Variants in KCNIP4 observed in about 807,000 individuals in gnomAD.
KCNIP4 encodes the protein Kv channel-interacting protein 4.
KCNIP4 carries 12 observed loss-of-function variants against 34.0 expected under a neutral mutation model. That is an observed-to-expected ratio of 0.35 (90% confidence interval 0.23 to 0.57). KCNIP4 has a LOEUF of 0.57. Ranked by LOEUF, KCNIP4 falls within the 20% of genes least tolerant of loss-of-function variation. The pLI, the probability that KCNIP4 is intolerant of heterozygous loss-of-function variation, is 0.83. For missense variants in KCNIP4, 238 were observed against 311.7 expected, an observed-to-expected ratio of 0.76 and a Z score of 1.78; for synonymous variants, 124 against 102.2, an observed-to-expected ratio of 1.21 and a Z score of -1.29.
At chr4:21,102,332 T>A (rs1037349783) in intron 1 of KCNIP4, among the ~76,000 whole-genome samples, 17 of 152,208 alleles carry the variant, frequency 1.1e-4, no homozygotes, top group African/African-American at 3.9e-4. Flanking sequence ...ATGCTATCCA[T>A]AAATTACAAT....
rs34135850 is a variant in KCNIP4, at chr4:21,265,984, C to G, written c.62-383275G>C. 5.9e-3 allele frequency among the ~76,000 whole-genome samples: 892 copies of G among 152,190 alleles called. 8 individuals are homozygous for G. The highest frequency in any genetic ancestry group is 0.021 in the African/African-American group (862 of 41,530). On this transcript the variant is annotated intron_variant, in intron 1 of 8. Transcript: ENST00000382152. The stretch of plus-strand genomic sequence containing the variant: ...CACTTGCTCATTTCCATTGTGCTAG[C>G]AATTTACATATATTATCTCATTTAT...
intron 1 of KCNIP4, among the ~76,000 whole-genome samples, chr4:20,976,682 T>C (rs896475701): frequency 6.6e-6 from 1 of 152,188 alleles, no homozygotes; most frequent in Non-Finnish European, 1.5e-5. Context: ...GGAGCTGAGC[T>C]GATTTATTAG....
intron 1 of KCNIP4, among the ~76,000 whole-genome samples, chr4:21,523,348 C>T (rs984562447): frequency 7.2e-5 from 11 of 151,742 alleles, no homozygotes; most frequent in East Asian, 1.9e-4. Context: ...TGTTTACCAC[C>T]GTCAAATGCT....
At chr4:21,351,507 T>C (rs1717998457) in intron 1 of KCNIP4, among the ~76,000 whole-genome samples, 1 of 152,186 alleles carries the variant, frequency 6.6e-6, no homozygotes, top group Non-Finnish European at 1.5e-5. Flanking sequence ...ATTACACTTA[T>C]TTTTCTTTAT....
chr4:21,096,495 T>A (rs1236746388), intron 1 of KCNIP4, among the ~76,000 whole-genome samples: 1 of 152,174 alleles, frequency 6.6e-6, no homozygotes, highest in Non-Finnish European at 1.5e-5. Context: ...TCAGTTTTTT[T>A]ATTCTGTTTG....
At chr4:21,355,695 T>A (rs1334136098) in intron 1 of KCNIP4, among the ~76,000 whole-genome samples, 2 of 152,122 alleles carry the variant, frequency 1.3e-5, no homozygotes, top group African/African-American at 2.4e-5. Context: ...TAGGACCAGA[T>A]GGATTCACAG....
chr4:21,375,337 C>T (rs1455774002), intron 1 of KCNIP4, among the ~76,000 whole-genome samples: 2 of 152,122 alleles, frequency 1.3e-5, no homozygotes, highest in Non-Finnish European at 2.9e-5. Flanking sequence ...GTTCAAATAG[C>T]AGACTCACTT....
At chr4:21,927,478 T>C (rs536439503) in intron 1 of KCNIP4, among the ~76,000 whole-genome samples, 1 of 152,144 alleles carries the variant, frequency 6.6e-6, no homozygotes, top group African/African-American at 2.4e-5. Flanking sequence ...AGGGACTCAA[T>C]GGAACCCTCA....
chr4:21,612,071 G>A (rs775305106), intron 1 of KCNIP4, among the ~76,000 whole-genome samples: 1 of 152,186 alleles, frequency 6.6e-6, no homozygotes, highest in African/African-American at 2.4e-5. Context: ...TCAAAGTGTG[G>A]GATATACGCC....
rs139398555 is a variant in KCNIP4 at position 21,916,725 on chromosome 4, T to G, written c.61+31846A>C. Among the ~76,000 whole-genome samples, 689 of 152,310 alleles carry G rather than the reference T, an allele frequency of 4.5e-3. 3 individuals carry two copies. The highest frequency in any genetic ancestry group is 0.016 in the African/African-American group (655 of 41,562). On this transcript the variant is annotated intron_variant, in intron 1 of 8. Coordinates refer to ENST00000382152, the MANE Select transcript of KCNIP4 (RefSeq NM_025221.6). ...CTGGGAAAAAGCTGGGCTTTGAGGA[T>G]TTTCAAAGAACAACTCAAATGACGT...
At chr4:21,746,816 G>A (rs1716811545) in intron 1 of KCNIP4, among the ~76,000 whole-genome samples, 1 of 151,940 alleles carries the variant, frequency 6.6e-6, no homozygotes, top group East Asian at 1.9e-4. Context: ...TTACAATTTT[G>A]TTTTATAAAA....
At position 20,846,856 on chromosome 4, in the gene KCNIP4, G is replaced by A. The variant is rs189164101; in HGVS notation, c.288+3687C>T. On this transcript the variant is annotated intron_variant, in intron 3 of 8. Coordinates refer to ENST00000382152, the MANE Select transcript of KCNIP4 (RefSeq NM_025221.6). ...CCTACACAATATAATTACTTGAAGA[G>A]CTTTATAAATCCTAATGCTGAAGCT... Among the ~76,000 whole-genome samples, 355 of 152,248 alleles carry A rather than the reference G, an allele frequency of 2.3e-3. 9 individuals carry two copies. The highest frequency in any genetic ancestry group is 0.014 in the Middle Eastern group (4 of 294).
intron 1 of KCNIP4, among the ~76,000 whole-genome samples, chr4:21,485,597 T>C (rs1488458573): frequency 6.6e-6 from 1 of 152,216 alleles, no homozygotes; most frequent in Non-Finnish European, 1.5e-5. Context: ...CACTTCAAGC[T>C]GTCATTCATA....
chr4:21,398,549 T>G (rs1026449294), intron 1 of KCNIP4, among the ~76,000 whole-genome samples: 4 of 152,230 alleles, frequency 2.6e-5, no homozygotes, highest in Non-Finnish European at 5.9e-5. Context: ...AAGCAATAAT[T>G]TTAATGCATA....
At chr4:20,850,009 A>G (rs891424245) in intron 3 of KCNIP4, among the ~76,000 whole-genome samples, 2 of 152,184 alleles carry the variant, frequency 1.3e-5, no homozygotes, top group African/African-American at 4.8e-5. Context: ...CCTTTTGAAG[A>G]TGGTTCACCC....
chr4:20,988,011 A>AAAAAAAAAAAAAAAAAAAAG (rs1736745048), intron 1 of KCNIP4, among the ~76,000 whole-genome samples: 1 of 149,754 alleles, frequency 6.7e-6, no homozygotes, highest in African/African-American at 2.5e-5. Flanking sequence ...AAAAAAAAAA[A>AAAAAAAAAAAAAAAAAAAAG]AAAAAAAAAA....
chr4:21,524,857 T>G (rs1735844910), intron 1 of KCNIP4, among the ~76,000 whole-genome samples: 1 of 152,172 alleles, frequency 6.6e-6, no homozygotes, highest in Non-Finnish European at 1.5e-5. Context: ...CAATAAATAT[T>G]TGTTGAATCC....
intron 1 of KCNIP4, among the ~76,000 whole-genome samples, chr4:21,636,268 T>C (rs1246203904): frequency 6.8e-6 from 1 of 147,064 alleles, no homozygotes; most frequent in African/African-American, 2.5e-5. Context: ...TGTGCACATG[T>C]ACCCTAGAAC....
intron 1 of KCNIP4, chr4:21,850,538 TA>T (rs1724311140): frequency 6.6e-6 from 1 of 152,090 alleles, no homozygotes; most frequent in Non-Finnish European, 1.5e-5. Flanking sequence ...AGAGAGTCCC[TA>T]CCAGCAAGAA....
Sources: allele counts gnomAD v4.1 joint callset (sites outside exome capture counted in the v4.1 genomes callset), GRCh38; gene constraint gnomAD v4.1.1; transcripts MANE v1.5; gene names NCBI Gene and HGNC (gene_info 2026-07-23, HGNC 2026-07-21).